Variants in ZNF618 observed in about 807,000 individuals in gnomAD.
ZNF618 encodes neural precursor cell expressed, developmentally down-regulated 10.
Under a neutral mutation model 103.0 loss-of-function variants are expected in ZNF618, and 34 were observed. The observed-to-expected ratio is 0.33, with a 90% CI of 0.25 to 0.44. ZNF618 has a LOEUF of 0.44. ZNF618 is among the 20% of genes least tolerant of loss of function. The probability of loss-of-function intolerance (pLI) is 1.00; values close to 1 mark genes in which losing one functional copy is unlikely to be tolerated. For synonymous variants in ZNF618, 551 were observed against 542.2 expected, an observed-to-expected ratio of 1.02 and a Z score of -0.23; for missense variants, 1,059 against 1,295.4, an observed-to-expected ratio of 0.82 and a Z score of 2.80.
At chr9:113,879,696 T>A (rs1387976243) in intron 1 of ZNF618, among the ~76,000 whole-genome samples, 1 of 152,022 alleles carries the variant, frequency 6.6e-6, no homozygotes, top group African/African-American at 2.4e-5. Flanking sequence ...GATGATGGGC[T>A]GAATTATTTT....
intron 1 of ZNF618, among the ~76,000 whole-genome samples, chr9:113,951,589 G>A (rs74879457): frequency 1.4e-5 from 1 of 71,082 alleles, no homozygotes; most frequent in Admixed American, 1.6e-4. Flanking sequence ...GTGTGTGTGT[G>A]TGTGTGTGTA....
chr9:114,033,001 C>T (rs568408186), intron 12 of ZNF618, among the ~76,000 whole-genome samples: 2 of 152,290 alleles, frequency 1.3e-5, no homozygotes, highest in East Asian at 1.9e-4. Context: ...CCATAGCCTG[C>T]GGCATCAACT....
intron 3 of ZNF618, among the ~76,000 whole-genome samples, chr9:113,989,409 A>C (rs1400704875): frequency 6.6e-6 from 1 of 152,214 alleles, no homozygotes; most frequent in Admixed American, 6.5e-5. Context: ...GTTGCAACCA[A>C]TTGACCTTTT....
Position 114,049,269 on chromosome 9 carries a change from G to T in ZNF618, c.1967G>T (p.Arg656Leu). ...SVLSKRTLQA[R>L]SMHEVIELLN... ...CTGAGCAAGCGGACACTGCAGGCCC[G>T]CAGCATGCACGAGGTCATCGAGCTG... The change falls in exon 15 of 15, where the codon CGC becomes CTC. Residue 656 changes from arginine (R) to leucine (L), a missense_variant. Physicochemically the swap from Arg to Leu is moderately radical, Grantham distance 102 (BLOSUM62 -2). Transcript: ENST00000374126. 1 of 1,612,442 alleles carries T rather than the reference G, an allele frequency of 6.2e-7. No homozygotes were observed. Among genetic ancestry groups the T allele is most frequent in the Non-Finnish European group, 8.5e-7 (1 of 1,179,622 alleles).
chr9:113,949,330 CG>C (rs1285399590), intron 1 of ZNF618, among the ~76,000 whole-genome samples: 2 of 152,198 alleles, frequency 1.3e-5, no homozygotes, highest in Non-Finnish European at 2.9e-5. Context: ...TTCAAGGGGT[CG>C]GTGGCAGAGA....
intron 1 of ZNF618, among the ~76,000 whole-genome samples, chr9:113,906,744 C>T (rs1831025833): frequency 6.6e-6 from 1 of 152,202 alleles, no homozygotes; most frequent in African/African-American, 2.4e-5. Flanking sequence ...AACAAACCAT[C>T]CATTATAGTC....
At chr9:114,031,892 T>C (rs1305303520) in intron 11 of ZNF618, among the ~76,000 whole-genome samples, 1 of 152,000 alleles carries the variant, frequency 6.6e-6, no homozygotes, top group African/African-American at 2.4e-5. Context: ...GATCATCTGT[T>C]TCAATACCTT....
intron 12 of ZNF618, among the ~76,000 whole-genome samples, chr9:114,035,403 G>A (rs565910515): frequency 5.9e-4 from 90 of 152,164 alleles, no homozygotes; most frequent in Non-Finnish European, 8.8e-4. Context: ...AGCCCTGGGC[G>A]GGTGGAGCAG....
intron 2 of ZNF618, among the ~76,000 whole-genome samples, chr9:113,982,103 C>A (rs1394100076): frequency 1.3e-5 from 2 of 152,214 alleles, no homozygotes; most frequent in Non-Finnish European, 2.9e-5. Context: ...TGAGCAGGAA[C>A]AAAGCAGAAG....
chr9:113,917,143 T>A (rs1402867864), intron 1 of ZNF618, among the ~76,000 whole-genome samples: 1 of 152,116 alleles, frequency 6.6e-6, no homozygotes, highest in African/African-American at 2.4e-5. Flanking sequence ...TTGCACTTGC[T>A]GTTTCCTTGC....
intron 3 of ZNF618, among the ~76,000 whole-genome samples, chr9:113,989,465 G>A (rs952791937): frequency 6.6e-6 from 1 of 152,246 alleles, no homozygotes; most frequent in African/African-American, 2.4e-5. Context: ...GTCCCTGTGG[G>A]CACAAGTTTG....
intron 1 of ZNF618, among the ~76,000 whole-genome samples, chr9:113,910,990 C>T (rs1305092918): frequency 6.6e-6 from 1 of 152,048 alleles, no homozygotes; most frequent in Non-Finnish European, 1.5e-5. Context: ...GCCACTATGC[C>T]TGGCTAATTT....
At position 114,028,959 on chromosome 9, in the gene ZNF618, C is replaced by T. The variant is rs1329146051; in HGVS notation, c.1071C>T (p.Ser357=). The change falls in exon 11 of 15, where the codon AGC becomes AGT. Residue 357 remains serine, a synonymous_variant. Coordinates refer to ENST00000374126, the MANE Select transcript of ZNF618 (RefSeq NM_001318042.2). ...CTCCAAATTCGGGATCTCCGGCGAG[C>T]AAGGCAACCGCAGGTACCAATGGCC... The part of the protein sequence containing the change: ...FRTPNSGSPA[S]KATAAESAFS... 6.4e-7 allele frequency: 1 copy of T among 1,550,486 alleles called. No homozygotes were observed. The highest frequency in any genetic ancestry group is 8.7e-7 in the Non-Finnish European group (1 of 1,146,954).
At chr9:113,979,657 G>A (rs13285834) in intron 2 of ZNF618, among the ~76,000 whole-genome samples, 86,097 of 152,064 alleles carry the variant, frequency 0.57, 24,673 homozygotes, top group Middle Eastern at 0.77. Context: ...TGCCATGCTG[G>A]CATTGACCTT....
chr9:113,998,532 C>T (rs1223883730), intron 4 of ZNF618, among the ~76,000 whole-genome samples, 178 bp downstream of exon 4: 1 of 152,154 alleles, frequency 6.6e-6, no homozygotes, highest in Non-Finnish European at 1.5e-5. Context: ...TGACTGGGAC[C>T]CTGGAAGTAC....
intron 1 of ZNF618, among the ~76,000 whole-genome samples, chr9:113,898,286 T>C (rs1311611881): frequency 2.0e-5 from 3 of 152,178 alleles, no homozygotes; most frequent in Non-Finnish European, 2.9e-5. Flanking sequence ...GATGCTTAAC[T>C]CTATTTTTGT....
At chr9:114,040,575 G>C (rs2134446969) in intron 13 of ZNF618, among the ~76,000 whole-genome samples, 1 of 152,240 alleles carries the variant, frequency 6.6e-6, no homozygotes, top group South Asian at 2.1e-4. Flanking sequence ...GTGAGAACAT[G>C]CGGTGTTTGG....
chr9:113,946,263 C>T (rs993820310), intron 1 of ZNF618, among the ~76,000 whole-genome samples: 4 of 152,160 alleles, frequency 2.6e-5, no homozygotes, highest in African/African-American at 9.7e-5. Context: ...ATTACAGCCC[C>T]ATTCTCATTT....
rs187866669 is a variant in ZNF618, at chr9:113,931,128, T to C, written c.34-37989T>C. Among the ~76,000 whole-genome samples, 14 of 152,224 alleles carry C rather than the reference T, an allele frequency of 9.2e-5. No homozygotes were observed. In the East Asian group the frequency reaches 2.7e-3, roughly 29 times the overall value. The stretch of plus-strand genomic sequence containing the variant: ...CTGTTTTTCTGGATGGTATGTTGAG[T>C]AAGGGCAGAGAGGTGCTGTGGAGTG... On this transcript the variant is annotated intron_variant, in intron 1 of 14. Coordinates refer to ENST00000374126, the MANE Select transcript of ZNF618 (RefSeq NM_001318042.2).
Sources: gnomAD v4.1 joint callset for allele counts (sites outside exome capture counted in the v4.1 genomes callset) on GRCh38, gnomAD v4.1.1 for gene constraint, MANE v1.5 for transcripts, NCBI Gene and HGNC (gene_info 2026-07-23, HGNC 2026-07-21) for gene names.